The following MAGI2 variants were observed in gnomAD, a reference collection of about 807,000 sequenced individuals.
The protein encoded by MAGI2 is membrane-associated guanylate kinase, WW and PDZ domain-containing protein 2.
In MAGI2, 35 loss-of-function variants were observed where a neutral mutation model predicts 133.3. The observed-to-expected ratio is 0.26, with a 90% CI of 0.20 to 0.35. The LOEUF (loss-of-function observed/expected upper bound fraction) is 0.35. MAGI2 is among the 10% of genes least tolerant of loss of function. The probability of loss-of-function intolerance (pLI) is 1.00; values close to 1 mark genes in which losing one functional copy is unlikely to be tolerated. For synonymous variants in MAGI2, 729 were observed against 710.6 expected (o/e 1.03, Z -0.41); for missense variants, 1,636 against 1,863.4 (o/e 0.88, Z 2.25).
intron 21 of MAGI2, among the ~76,000 whole-genome samples, chr7:78,021,419 C>T (rs1808384373): frequency 6.6e-6 from 1 of 152,214 alleles, no homozygotes; most frequent in African/African-American, 2.4e-5. Context: ...GCATGTGATT[C>T]AAGCTCTTGC....
At chr7:79,094,470 T>C (rs2129542754) in intron 1 of MAGI2, among the ~76,000 whole-genome samples, 1 of 152,336 alleles carries the variant, frequency 6.6e-6, no homozygotes, top group Middle Eastern at 3.4e-3. Context: ...TTAATGTCAA[T>C]ATTTGGAGCT....
chr7:78,072,619 ATGTAC>A (rs1248383443), intron 21 of MAGI2: 1 of 288,084 alleles, frequency 3.5e-6, no homozygotes, highest in Admixed American at 5.2e-5. Context: ...GGAAGAAAGG[ATGTAC>A]TCAGCAGATA....
chr7:78,479,515 G>A (rs11980078), intron 6 of MAGI2, among the ~76,000 whole-genome samples: 25,357 of 151,844 alleles, frequency 0.17, 2,270 homozygotes, highest in East Asian at 0.36. Flanking sequence ...AATGTATCAG[G>A]AGCTCCCAAG....
chr7:78,612,978 C>T (rs1202164005), intron 3 of MAGI2, among the ~76,000 whole-genome samples: 19 of 151,846 alleles, frequency 1.3e-4, no homozygotes, highest in Admixed American at 9.8e-4. Flanking sequence ...CCGAAAATGA[C>T]GTTTTCTAAA....
chr7:79,446,874 C>A (rs1052745053), intron 1 of MAGI2, among the ~76,000 whole-genome samples: 1 of 152,232 alleles, frequency 6.6e-6, no homozygotes, highest in African/African-American at 2.4e-5. Flanking sequence ...ATGGCGTGAA[C>A]CCGGGAGGCG....
intron 1 of MAGI2, among the ~76,000 whole-genome samples, chr7:79,024,606 A>T (rs958711775): frequency 6.6e-6 from 1 of 152,164 alleles, no homozygotes; most frequent in Non-Finnish European, 1.5e-5. Flanking sequence ...CAAACTATAC[A>T]ACCAACAAAA....
intron 1 of MAGI2, among the ~76,000 whole-genome samples, chr7:79,344,471 G>A (rs962498604): frequency 7.2e-5 from 11 of 152,104 alleles, no homozygotes; most frequent in African/African-American, 1.9e-4. Context: ...AATAACTTGT[G>A]AATTGTGATG....
chr7:78,495,161 G>A (rs912083049), intron 5 of MAGI2, among the ~76,000 whole-genome samples: 3 of 152,074 alleles, frequency 2.0e-5, no homozygotes, highest in South Asian at 2.1e-4. Context: ...TGTGCAGAAC[G>A]TGCAGGTTTG....
rs767332496 is a variant in MAGI2 at position 79,399,095 on chromosome 7, C to CTTTTTT, written c.301+53919_301+53924dup. Among the ~76,000 whole-genome samples the CTTTTTT allele has an allele frequency of 4.2e-3, 445 of 106,266 alleles. 35 individuals carry two copies. The highest frequency in any genetic ancestry group is 0.017 in the African/African-American group (429 of 24,986). The allele number at this position is 106,266 out of a possible 152,430, so 69.7% of individuals were successfully genotyped here. On this transcript the variant is annotated intron_variant, in intron 1 of 21. Coordinates refer to ENST00000354212, the MANE Select transcript of MAGI2 (RefSeq NM_012301.4). ...GTATTATTTCTTTTTTTTTTCTTTT[C>CTTTTTT]TTTTTTTTTTTTTTTGGGAGATGGA...
chr7:79,142,411 C>T (rs1453185464), intron 1 of MAGI2, among the ~76,000 whole-genome samples: 1 of 152,096 alleles, frequency 6.6e-6, no homozygotes, highest in Non-Finnish European at 1.5e-5. Flanking sequence ...AGTTTAACTC[C>T]ACAGCTTTTC....
At chr7:78,554,715 G>A (rs749914117) in intron 3 of MAGI2, 9 of 152,142 alleles carry the variant, frequency 5.9e-5, no homozygotes, top group African/African-American at 1.2e-4. Context: ...GAAGACACAG[G>A]GTCACAGAGA....
chr7:78,955,716 TTTCTTTCTCTTTCTTTC>T (rs1419576385), intron 2 of MAGI2, among the ~76,000 whole-genome samples: 12 of 117,588 alleles, frequency 1.0e-4, no homozygotes, highest in African/African-American at 3.5e-4. Flanking sequence ...TTTCTTTTTC[TTTCTTTCTCTTTCTTTC>T]TTTCTTTCTT....
intron 10 of MAGI2, chr7:78,254,466 C>T (rs1025149648): frequency 1.3e-5 from 2 of 152,118 alleles, no homozygotes; most frequent in African/African-American, 2.4e-5. Context: ...AATTAAAATA[C>T]CTTGCCAACA....
At chr7:78,162,377 T>C (rs1447419104) in intron 15 of MAGI2, among the ~76,000 whole-genome samples, 3 of 147,548 alleles carry the variant, frequency 2.0e-5, no homozygotes, top group Non-Finnish European at 4.5e-5. Context: ...AAAAAAAATT[T>C]AGCTGGGCGC....
intron 1 of MAGI2, among the ~76,000 whole-genome samples, chr7:79,342,805 G>C (rs1461796416): frequency 1.3e-5 from 2 of 152,022 alleles, no homozygotes; most frequent in Non-Finnish European, 2.9e-5. Context: ...TGTTGCCCAA[G>C]GTGGAGTGCA....
rs1414752666 is a variant in MAGI2 at position 79,007,221 on chromosome 7, A to C, written c.302-15T>G. ...AACAATTCCTCCTAAAAATAAAAAA[A>C]GTTTCTTGGTAAGGGATGTTGGAAA... is the stretch of plus-strand genomic sequence containing the variant. On this transcript the variant is annotated splice_polypyrimidine_tract_variant and intron_variant, in intron 1 of 21. Transcript: ENST00000354212. The C allele has an allele frequency of 8.6e-6, 13 of 1,519,368 alleles. No individual in the cohort carries two copies. In the East Asian group the frequency reaches 2.5e-4, roughly 29 times the overall value. The allele number at this position is 1,519,368 out of a possible 1,614,324, so 94.1% of individuals were successfully genotyped here.
At chr7:79,371,617 A>G (rs1258324703) in intron 1 of MAGI2, among the ~76,000 whole-genome samples, 3 of 152,298 alleles carry the variant, frequency 2.0e-5, no homozygotes, top group Non-Finnish European at 4.4e-5. Context: ...TGTCATATAT[A>G]ATAGCGTACA....
chr7:78,738,363 T>C (rs1235368055), intron 2 of MAGI2, among the ~76,000 whole-genome samples: 1 of 152,162 alleles, frequency 6.6e-6, no homozygotes, highest in East Asian at 1.9e-4. Flanking sequence ...TTTTTTCTGG[T>C]AATACAGGCA....
At chr7:79,409,226 A>G (rs775404945) in intron 1 of MAGI2, among the ~76,000 whole-genome samples, 5 of 149,208 alleles carry the variant, frequency 3.4e-5, no homozygotes, top group Non-Finnish European at 7.4e-5. Flanking sequence ...GAATTAAAAA[A>G]ATTTTTTTTC....
Sources: allele counts gnomAD v4.1 joint callset (sites outside exome capture counted in the v4.1 genomes callset), GRCh38; gene constraint gnomAD v4.1.1; transcripts MANE v1.5; gene names NCBI Gene and HGNC (gene_info 2026-07-23, HGNC 2026-07-21).